Variants in EXOC4 observed in about 807,000 individuals in gnomAD.
EXOC4 encodes SEC8-like 1.
EXOC4 carries 71 observed loss-of-function variants against 107.2 expected under a neutral mutation model. The observed-to-expected ratio is 0.66, with a 90% CI of 0.55 to 0.81. The LOEUF (loss-of-function observed/expected upper bound fraction) is 0.81, where lower values mean the gene tolerates loss of function less well. Among genes scored for constraint, EXOC4 ranks in the 30% least tolerant of loss-of-function variants. The probability of loss-of-function intolerance (pLI) is 0.00; values close to 1 mark genes in which losing one functional copy is unlikely to be tolerated. For synonymous variants in EXOC4, 456 were observed against 441.2 expected (o/e 1.03, Z -0.42); for missense variants, 1,108 against 1,189.6 (o/e 0.93, Z 1.01).
intron 14 of EXOC4, among the ~76,000 whole-genome samples, chr7:133,981,186 A>G (rs2971955): frequency 0.7 from 106,224 of 152,080 alleles, 37,503 homozygotes; most frequent in East Asian, 0.91. Flanking sequence ...GTGATGATCT[A>G]TGTACTTGGT....
chr7:134,021,989 A>G (rs1414260645), intron 17 of EXOC4, among the ~76,000 whole-genome samples: 1 of 152,194 alleles, frequency 6.6e-6, no homozygotes, highest in Non-Finnish European at 1.5e-5. Context: ...TAAAGGCTTC[A>G]TGATATATTT....
At chr7:133,626,207 CA>C (rs535355855) in intron 9 of EXOC4, among the ~76,000 whole-genome samples, 20 of 145,784 alleles carry the variant, frequency 1.4e-4, no homozygotes, top group Non-Finnish European at 2.6e-4. Flanking sequence ...ACTCCATCTC[CA>C]AAAAAAAAAG....
At position 133,581,021 on chromosome 7, in the gene EXOC4, T is replaced by C. The variant is rs1191034513; in HGVS notation, c.1418-49024T>C. Reference sequence around the variant, plus strand: ...TGCTGTATAAGCAGTCTCATGCTGGTGTTGCTTTGAGCATGCATTTTCCGT... The same window carrying C: ...TGCTGTATAAGCAGTCTCATGCTGGCGTTGCTTTGAGCATGCATTTTCCGT... On this transcript the variant is annotated intron_variant, in intron 9 of 17. Transcript: ENST00000253861. 2.6e-5 allele frequency among the ~76,000 whole-genome samples: 4 copies of C among 152,190 alleles called. No individual in the cohort carries two copies. The East Asian group carries it at 7.7e-4, about 29-fold the overall frequency.
In EXOC4 at chr7:133,558,189, CTCTTTTCTTTTCTTTTCTTTTCTTT is replaced by C. The variant is rs11275864; in HGVS notation, c.1418-71813_1418-71789del. Reference sequence around the variant, plus strand: ...ATGCTAGCTGGTATTTTGGTTCCTTCTCTTTTCTTTTCTTTTCTTTTCTTTTCTTTTCTTTTCTTTTCTTTTCTTT... The same window carrying C: ...ATGCTAGCTGGTATTTTGGTTCCTTCTCTTTTCTTTTCTTTTCTTTTCTTT... On this transcript the variant is annotated intron_variant, in intron 9 of 17. Transcript: ENST00000253861. Among the ~76,000 whole-genome samples the C allele has an allele frequency of 6.8e-3, 773 of 114,394 alleles. 4 individuals are homozygous for C. Among genetic ancestry groups the C allele is most frequent in the African/African-American group, 0.022 (651 of 30,070 alleles). 75.0% of individuals were successfully genotyped at this position (114,394 alleles called of 152,430 possible).
intron 6 of EXOC4, among the ~76,000 whole-genome samples, chr7:133,374,273 C>T (rs184053138): frequency 1.5e-4 from 23 of 151,516 alleles, no homozygotes; most frequent in Admixed American, 8.6e-4. Context: ...GCCTGAGCTT[C>T]TCCCTGTGGT....
intron 13 of EXOC4, among the ~76,000 whole-genome samples, chr7:133,924,162 G>C (rs1585252287): frequency 6.6e-6 from 1 of 152,062 alleles, no homozygotes; most frequent in East Asian, 1.9e-4. Flanking sequence ...AAGATGCCTG[G>C]GTGAACATGT....
intron 9 of EXOC4, among the ~76,000 whole-genome samples, chr7:133,611,940 T>C (rs1171186261): frequency 6.6e-6 from 1 of 152,182 alleles, no homozygotes; most frequent in Non-Finnish European, 1.5e-5. Context: ...AATAATCTCA[T>C]TTACAATATG....
chr7:133,980,406 G>T (rs1218927782), intron 14 of EXOC4, among the ~76,000 whole-genome samples: 5 of 152,228 alleles, frequency 3.3e-5, no homozygotes, highest in African/African-American at 1.2e-4. Context: ...AATGCTTCAT[G>T]TGTTTTATAT....
chr7:133,429,860 C>T (rs1246783885), intron 7 of EXOC4, among the ~76,000 whole-genome samples: 1 of 152,168 alleles, frequency 6.6e-6, no homozygotes, highest in Non-Finnish European at 1.5e-5. Context: ...GGGGGTGTGG[C>T]CCACTTACTG....
intron 9 of EXOC4, among the ~76,000 whole-genome samples, chr7:133,539,285 CTT>C (rs142915991): frequency 6.7e-6 from 1 of 149,722 alleles, no homozygotes; most frequent in Non-Finnish European, 1.5e-5. Context: ...TGGTATGAGA[CTT>C]TTTTTTTTCT....
chr7:134,050,947 A>G (rs977505922), intron 17 of EXOC4, among the ~76,000 whole-genome samples: 2 of 152,132 alleles, frequency 1.3e-5, no homozygotes, highest in African/African-American at 4.8e-5. Flanking sequence ...TCCAATGAGA[A>G]GAGTGTAGGA....
chr7:133,875,245 G>T (rs1187733897), intron 11 of EXOC4, among the ~76,000 whole-genome samples: 1 of 152,298 alleles, frequency 6.6e-6, no homozygotes, highest in Non-Finnish European at 1.5e-5. Flanking sequence ...TTTGGGTATT[G>T]ATTGAGATAT....
chr7:133,413,389 A>G (rs1257956540), intron 7 of EXOC4, among the ~76,000 whole-genome samples: 3 of 152,166 alleles, frequency 2.0e-5, no homozygotes, highest in African/African-American at 7.2e-5. Flanking sequence ...CTTGGGACCA[A>G]TGTAGATAGT....
At chr7:133,783,141 T>A (rs1372813626) in intron 10 of EXOC4, among the ~76,000 whole-genome samples, 3 of 152,248 alleles carry the variant, frequency 2.0e-5, no homozygotes, top group Non-Finnish European at 4.4e-5. Context: ...CGTTATTTTT[T>A]AAGGAACCAT....
At chr7:133,785,822 G>A (rs761103800) in intron 10 of EXOC4, among the ~76,000 whole-genome samples, 74 of 152,080 alleles carry the variant, frequency 4.9e-4, no homozygotes, top group Non-Finnish European at 7.1e-4. Flanking sequence ...ACAGGTGCCC[G>A]CCACCATGCC....
intron 10 of EXOC4, among the ~76,000 whole-genome samples, chr7:133,671,146 A>G (rs937384831): frequency 6.6e-6 from 1 of 152,240 alleles, no homozygotes; most frequent in Non-Finnish European, 1.5e-5. Context: ...GAGAGATGCC[A>G]GGGCAAGATT....
At chr7:133,398,907 T>C (rs1797029643) in intron 7 of EXOC4, among the ~76,000 whole-genome samples, 1 of 152,226 alleles carries the variant, frequency 6.6e-6, no homozygotes, top group South Asian at 2.1e-4. Flanking sequence ...TAAGTGCTTA[T>C]TATTTTTTAA....
In EXOC4 at chr7:133,549,081, G is replaced by A. The variant is rs553716648; in HGVS notation, c.1417+68943G>A. ...TGCAGTGGCACGATCTTGGCTCACCGTAACCTCCACCTCCCAGGTTCAATT... is the reference window on the plus strand; with the variant it reads ...TGCAGTGGCACGATCTTGGCTCACCATAACCTCCACCTCCCAGGTTCAATT... On this transcript the variant is annotated intron_variant, in intron 9 of 17. Coordinates refer to ENST00000253861, the MANE Select transcript of EXOC4 (RefSeq NM_021807.4). 3.2e-4 allele frequency among the ~76,000 whole-genome samples: 48 copies of A among 152,278 alleles called. No individual in the cohort carries two copies. The East Asian group carries it at 4.3e-3, about 14-fold the overall frequency.
chr7:133,942,440 C>T (rs1800452627), intron 14 of EXOC4, among the ~76,000 whole-genome samples: 1 of 152,088 alleles, frequency 6.6e-6, no homozygotes, highest in African/African-American at 2.4e-5. Context: ...AAATAAATCT[C>T]ATAGTTTTGG....
Sources: gnomAD v4.1 joint callset for allele counts (sites outside exome capture counted in the v4.1 genomes callset) on GRCh38, gnomAD v4.1.1 for gene constraint, MANE v1.5 for transcripts, NCBI Gene and HGNC (gene_info 2026-07-23, HGNC 2026-07-21) for gene names.